C8orf34: variants seen among roughly 807,000 people sequenced by gnomAD.
C8orf34 encodes the protein chromosome 8 open reading frame 34, also known as uncharacterized protein C8orf34.
Under a neutral mutation model 68.3 loss-of-function variants are expected in C8orf34, and 65 were observed. The ratio of observed to expected loss-of-function variants is 0.95; its 90% confidence interval spans 0.78 to 1.17. The LOEUF is 1.17. C8orf34 is among the 50% of genes most tolerant of loss of function. C8orf34 has a pLI of 0.00. For synonymous variants in C8orf34, 244 were observed against 241.2 expected (o/e 1.01, Z -0.11); for missense variants, 664 against 655.4 (o/e 1.01, Z -0.14).
intron 8 of C8orf34, among the ~76,000 whole-genome samples, chr8:68,660,445 G>A (rs1819637776): frequency 6.6e-6 from 1 of 152,132 alleles, no homozygotes; most frequent in Non-Finnish European, 1.5e-5. Context: ...GGGTCTGGAG[G>A]GTGAGAATTA....
At chr8:68,744,294 C>A (rs1246415562) in intron 10 of C8orf34, among the ~76,000 whole-genome samples, 2 of 152,110 alleles carry the variant, frequency 1.3e-5, no homozygotes, top group African/African-American at 4.8e-5. Context: ...AAAAACAGAG[C>A]AGAAAAACTG....
At chr8:68,386,522 C>A (rs1808268205) in intron 1 of C8orf34, among the ~76,000 whole-genome samples, 1 of 152,062 alleles carries the variant, frequency 6.6e-6, no homozygotes, top group Admixed American at 6.6e-5. Context: ...AACGTAATAC[C>A]ATCCTAATGA....
At chr8:68,632,255 G>A (rs1480536444) in intron 7 of C8orf34, among the ~76,000 whole-genome samples, 1 of 152,166 alleles carries the variant, frequency 6.6e-6, no homozygotes, top group Non-Finnish European at 1.5e-5. Flanking sequence ...GAGACTGGTG[G>A]CATTTTGCTC....
At chr8:68,542,640 A>G (rs1473469023) in intron 7 of C8orf34, among the ~76,000 whole-genome samples, 2 of 152,198 alleles carry the variant, frequency 1.3e-5, no homozygotes, top group Non-Finnish European at 2.9e-5. Flanking sequence ...CTATTTTGAT[A>G]AGGAAAATTG....
At chr8:68,429,639 A>G (rs931327794) in intron 1 of C8orf34, among the ~76,000 whole-genome samples, 31 of 152,214 alleles carry the variant, frequency 2.0e-4, no homozygotes, top group Non-Finnish European at 5.9e-5. Flanking sequence ...AGTAGAGTGG[A>G]TGAATAAATT....
intron 1 of C8orf34, among the ~76,000 whole-genome samples, chr8:68,388,176 T>G (rs1808337120): frequency 6.6e-6 from 1 of 152,170 alleles, no homozygotes; most frequent in African/African-American, 2.4e-5. Flanking sequence ...GTTTACCCAC[T>G]CTTTACTCAC....
rs530835590 is a variant in C8orf34, at chr8:68,519,558, G to T, written c.766-2241G>T. Among the ~76,000 whole-genome samples, 3 of 138,104 alleles carry T rather than the reference G, an allele frequency of 2.2e-5. No individual in the cohort carries two copies. In the East Asian group the frequency reaches 6.0e-4, roughly 28 times the overall value. The allele number at this position is 138,104 out of a possible 152,430, so 90.6% of individuals were successfully genotyped here. On this transcript the variant is annotated intron_variant, in intron 5 of 13. Transcript: ENST00000518698. ...ATTTTATAGCAATCTGATATTTGTT[G>T]AATGAAAACATTTCATTCAATATAA... is the stretch of plus-strand genomic sequence containing the variant.
At chr8:68,781,884 T>C (rs565440623) in intron 11 of C8orf34, among the ~76,000 whole-genome samples, 2 of 152,228 alleles carry the variant, frequency 1.3e-5, no homozygotes, top group African/African-American at 2.4e-5. Context: ...AATTAGAGAA[T>C]AGTTGAATGC....
intron 4 of C8orf34, among the ~76,000 whole-genome samples, chr8:68,474,441 C>A (rs1297844914): frequency 6.6e-6 from 1 of 152,138 alleles, no homozygotes; most frequent in African/African-American, 2.4e-5. Flanking sequence ...TCACTCCTAT[C>A]AATATCTTCT....
At chr8:68,495,424 A>G (rs1438334132) in intron 5 of C8orf34, among the ~76,000 whole-genome samples, 1 of 152,180 alleles carries the variant, frequency 6.6e-6, no homozygotes, top group Non-Finnish European at 1.5e-5. Flanking sequence ...ATAGCATTCT[A>G]CATTATTTGC....
chr8:68,458,226 T>C (rs1485544530), intron 3 of C8orf34, among the ~76,000 whole-genome samples: 2 of 152,332 alleles, frequency 1.3e-5, no homozygotes, highest in East Asian at 3.9e-4. Context: ...TAATTAGTTC[T>C]CTATTGTGCA....
chr8:68,440,905 C>T (rs1403756182), intron 2 of C8orf34, among the ~76,000 whole-genome samples: 5 of 151,678 alleles, frequency 3.3e-5, no homozygotes, highest in Admixed American at 6.6e-5. Context: ...CCTGGGTTCA[C>T]GCCATTCTCC....
intron 3 of C8orf34, among the ~76,000 whole-genome samples, chr8:68,461,479 C>T (rs1234394385): frequency 6.6e-5 from 10 of 150,506 alleles, no homozygotes; most frequent in Admixed American, 6.6e-5. Flanking sequence ...AACTCCAAGA[C>T]ATATAATTGT....
chr8:68,516,504 A>G (rs12334705), intron 5 of C8orf34, among the ~76,000 whole-genome samples: 2,787 of 152,252 alleles, frequency 0.018, 85 homozygotes, highest in African/African-American at 0.063. Flanking sequence ...CTGAAAGCAG[A>G]CTTCTTGGAG....
chr8:68,634,287 T>C (rs1340127406), intron 7 of C8orf34, among the ~76,000 whole-genome samples: 1 of 152,212 alleles, frequency 6.6e-6, no homozygotes, highest in Non-Finnish European at 1.5e-5. Context: ...AGTAATTTTC[T>C]TGCACCTGCT....
chr8:68,458,062 A>G (rs1048904053), intron 3 of C8orf34, among the ~76,000 whole-genome samples: 1 of 152,154 alleles, frequency 6.6e-6, no homozygotes. Flanking sequence ...GATCCTGATT[A>G]TACCATGGCT....
chr8:68,551,287 A>G (rs1816061543), intron 7 of C8orf34, among the ~76,000 whole-genome samples: 1 of 151,894 alleles, frequency 6.6e-6, no homozygotes, highest in Non-Finnish European at 1.5e-5. Flanking sequence ...AGCCATGTCC[A>G]GTCTACTAAT....
intron 10 of C8orf34, among the ~76,000 whole-genome samples, chr8:68,743,823 G>T (rs1455042697): frequency 3.9e-5 from 6 of 152,358 alleles, no homozygotes; most frequent in African/African-American, 1.2e-4. Flanking sequence ...GCCCACCATT[G>T]CCCAGGCTTG....
chr8:68,465,754 G>T (rs1242651764), intron 3 of C8orf34, among the ~76,000 whole-genome samples: 1 of 146,238 alleles, frequency 6.8e-6, no homozygotes, highest in Non-Finnish European at 1.5e-5. Context: ...TGAACAATGA[G>T]AACACATGGA....
Sources: gnomAD v4.1 joint callset for allele counts (sites outside exome capture counted in the v4.1 genomes callset) on GRCh38, gnomAD v4.1.1 for gene constraint, MANE v1.5 for transcripts, NCBI Gene and HGNC (gene_info 2026-07-23, HGNC 2026-07-21) for gene names.